VAT1L: variants seen among roughly 807,000 people sequenced by gnomAD.
VAT1L encodes putative NADPH-dependent quinone oxidoreductase VAT1L.
A neutral mutation model predicts 44.1 loss-of-function variants in VAT1L; 34 were observed. That is an observed-to-expected ratio of 0.77 (90% CI 0.59 to 1.03). The LOEUF (loss-of-function observed/expected upper bound fraction) is 1.03. Among genes scored for constraint, VAT1L ranks in the 50% least tolerant of loss-of-function variants. VAT1L has a pLI of 0.00. For missense variants in VAT1L, 615 were observed against 538.8 expected (o/e 1.14, Z -1.40); for synonymous variants, 253 against 202.2 (o/e 1.25, Z -2.13).
chr16:77,909,691 T>TGCC (rs1239937276), intron 7 of VAT1L, among the ~76,000 whole-genome samples: 1 of 150,332 alleles, frequency 6.7e-6, no homozygotes, highest in East Asian at 2.0e-4. Flanking sequence ...CTGAGCACTC[T>TGCC]GCCTGTATCT....
At chr16:77,861,300 G>T (rs944923098) in intron 3 of VAT1L, among the ~76,000 whole-genome samples, 1 of 152,202 alleles carries the variant, frequency 6.6e-6, no homozygotes, top group Admixed American at 6.5e-5. Context: ...GCTTTAGAAT[G>T]CACCTTAGTT....
intron 2 of VAT1L, among the ~76,000 whole-genome samples, chr16:77,822,852 T>C (rs938886528): frequency 6.6e-6 from 1 of 152,186 alleles, no homozygotes; most frequent in Non-Finnish European, 1.5e-5. Context: ...AATTTGATTC[T>C]GTGGTTCAGG....
chr16:77,924,429 A>G (rs1337577085), intron 7 of VAT1L, among the ~76,000 whole-genome samples: 2 of 151,892 alleles, frequency 1.3e-5, no homozygotes. Context: ...GCCTTCTCCA[A>G]GCTTCCACCC....
chr16:77,832,926 C>A (rs1489371018), intron 3 of VAT1L, among the ~76,000 whole-genome samples: 1 of 152,176 alleles, frequency 6.6e-6, no homozygotes, highest in South Asian at 2.1e-4. Flanking sequence ...TACACTCATA[C>A]AGTTTTAGCA....
Position 77,788,873 on chromosome 16 carries a change from C to T in VAT1L, c.191C>T (p.Pro64Leu), listed in dbSNP as rs1201940934. Reference sequence around the variant, plus strand: ...CTGCGGCTCTTCAGGAAGGCCATGCCCGAGCCTCAGGACGGCGAGCTCAAG... The same window carrying T: ...CTGCGGCTCTTCAGGAAGGCCATGCTCGAGCCTCAGGACGGCGAGCTCAAG... ...NKLRLFRKAM[P>L]EPQDGELKIR... The change falls in exon 1 of 9, where the codon CCC (proline) becomes CTC (leucine). Residue 64 changes from proline to leucine, a missense_variant. Transcript: ENST00000302536. 5.8e-6 allele frequency: 9 copies of T among 1,564,604 alleles called. No homozygotes were observed. The Admixed American group carries it at 1.5e-4, about 27-fold the overall frequency.
intron 4 of VAT1L, among the ~76,000 whole-genome samples, chr16:77,866,942 G>T (rs923865315): frequency 6.6e-6 from 1 of 152,154 alleles, no homozygotes; most frequent in Admixed American, 6.5e-5. Context: ...TGAAGGTTGC[G>T]ATCGATTTCA....
chr16:77,935,344 C>T (rs1227725198), intron 7 of VAT1L, among the ~76,000 whole-genome samples: 3 of 151,756 alleles, frequency 2.0e-5, no homozygotes, highest in Non-Finnish European at 2.9e-5. Flanking sequence ...ATTGGTAGTG[C>T]GGGTAAGAGA....
chr16:77,866,557 T>G (rs1308220722), intron 4 of VAT1L, among the ~76,000 whole-genome samples: 2 of 151,886 alleles, frequency 1.3e-5, no homozygotes, highest in Non-Finnish European at 2.9e-5. Context: ...CAGAGTGATT[T>G]CTCTTTATTT....
intron 3 of VAT1L, among the ~76,000 whole-genome samples, chr16:77,844,792 G>C (rs1450005301): frequency 6.6e-6 from 1 of 151,992 alleles, no homozygotes; most frequent in Non-Finnish European, 1.5e-5. Context: ...AAGGATACTG[G>C]GGATGGCTAT....
At chr16:77,974,099 G>C (rs759577261) in intron 8 of VAT1L, among the ~76,000 whole-genome samples, 8 of 152,174 alleles carry the variant, frequency 5.3e-5, no homozygotes, top group Non-Finnish European at 1.0e-4. Flanking sequence ...TTCAATGAAG[G>C]ACACCTTCAA....
intron 4 of VAT1L, among the ~76,000 whole-genome samples, chr16:77,870,415 A>C (rs1422407657): frequency 1.3e-5 from 2 of 152,242 alleles, no homozygotes; most frequent in Non-Finnish European, 1.5e-5. Context: ...AAGTCACCAT[A>C]AAGAGGAATA....
At chr16:77,925,665 A>G (rs528576452) in intron 7 of VAT1L, among the ~76,000 whole-genome samples, 5 of 152,244 alleles carry the variant, frequency 3.3e-5, no homozygotes, top group East Asian at 1.9e-4. Flanking sequence ...CCTAAAATCA[A>G]TTTTGCTTTT....
At chr16:77,945,955 C>T (rs1158552124) in intron 7 of VAT1L, among the ~76,000 whole-genome samples, 1 of 152,064 alleles carries the variant, frequency 6.6e-6, no homozygotes, top group Non-Finnish European at 1.5e-5. Flanking sequence ...GCGCATGCCA[C>T]CACGCCCACC....
At chr16:77,789,511 G>A (rs1429360147) in intron 1 of VAT1L, among the ~76,000 whole-genome samples, 1 of 152,136 alleles carries the variant, frequency 6.6e-6, no homozygotes, top group Non-Finnish European at 1.5e-5. Context: ...TGTCCTGAAG[G>A]GCCTGGGACA....
At chr16:77,819,745 A>T (rs1303797178) in intron 2 of VAT1L, among the ~76,000 whole-genome samples, 1 of 152,178 alleles carries the variant, frequency 6.6e-6, no homozygotes, top group Admixed American at 6.5e-5. Flanking sequence ...TGGGACACTC[A>T]CTGACAGTGG....
intron 1 of VAT1L, among the ~76,000 whole-genome samples, chr16:77,812,876 C>A (rs1192886039): frequency 6.6e-6 from 1 of 152,096 alleles, no homozygotes; most frequent in Non-Finnish European, 1.5e-5. Context: ...GGGAAGAAAA[C>A]TGAGACAGTC....
intron 7 of VAT1L, among the ~76,000 whole-genome samples, chr16:77,905,857 T>C (rs146414570): frequency 1.2e-3 from 183 of 152,338 alleles, no homozygotes; most frequent in Non-Finnish European, 1.8e-3. Flanking sequence ...CTACTGCATC[T>C]CTCCCTGACA....
chr16:77,945,322 T>A (rs1008316798), intron 7 of VAT1L, among the ~76,000 whole-genome samples: 1 of 135,480 alleles, frequency 7.4e-6, no homozygotes, highest in Non-Finnish European at 1.5e-5. Context: ...TGTCTCACTC[T>A]GTCGTTAATG....
At chr16:77,801,455 G>A (rs781360921) in intron 1 of VAT1L, 1 of 152,214 alleles carries the variant, frequency 6.6e-6, no homozygotes, top group Non-Finnish European at 1.5e-5. Flanking sequence ...GATCTGAAAC[G>A]GTTTCATCCA....
Sources: gnomAD v4.1 joint callset for allele counts (sites outside exome capture counted in the v4.1 genomes callset) on GRCh38, gnomAD v4.1.1 for gene constraint, MANE v1.5 for transcripts, NCBI Gene and HGNC (gene_info 2026-07-23, HGNC 2026-07-21) for gene names.